MAP7: variants seen among roughly 807,000 people sequenced by gnomAD.
MAP7 encodes ensconsin.
In MAP7, 52 loss-of-function variants were observed where a neutral mutation model predicts 94.8. The observed-to-expected ratio is 0.55, with a 90% CI of 0.44 to 0.69. The LOEUF is 0.69. MAP7 is among the 30% of genes least tolerant of loss of function. The pLI is 0.00. For synonymous variants in MAP7, 350 were observed against 357.0 expected, an observed-to-expected ratio of 0.98 and a Z score of 0.22; for missense variants, 940 against 964.6, an observed-to-expected ratio of 0.97 and a Z score of 0.34.
At chr6:136,357,275 T>C (rs1487161411) in intron 15 of MAP7, among the ~76,000 whole-genome samples, 1 of 152,186 alleles carries the variant, frequency 6.6e-6, no homozygotes, top group Non-Finnish European at 1.5e-5. Flanking sequence ...ATTTCACGAA[T>C]GGAAAGCAGT....
intron 1 of MAP7, among the ~76,000 whole-genome samples, chr6:136,482,846 G>C (rs1046002257): frequency 6.6e-6 from 1 of 152,074 alleles, no homozygotes; most frequent in South Asian, 2.1e-4. Flanking sequence ...CCGCTAAACT[G>C]TGTTGAGTTT....
chr6:136,436,099 G>A (rs181051026), intron 1 of MAP7, among the ~76,000 whole-genome samples: 130 of 152,204 alleles, frequency 8.5e-4, no homozygotes, highest in Non-Finnish European at 1.5e-3. Context: ...TAAGAGTATG[G>A]CAAATAGGCA....
intron 1 of MAP7, among the ~76,000 whole-genome samples, chr6:136,457,719 C>T (rs920372652): frequency 6.6e-6 from 1 of 152,036 alleles, no homozygotes; most frequent in Non-Finnish European, 1.5e-5. Context: ...ACCATCTCAA[C>T]AGCTACAGAA....
At chr6:136,393,978 A>AATTTTTTTTTT (rs1554242697) in intron 3 of MAP7, among the ~76,000 whole-genome samples, 2 of 36,204 alleles carry the variant, frequency 5.5e-5, no homozygotes, top group South Asian at 1.3e-3. Flanking sequence ...CAGCAAAGGT[A>AATTTTTTTTTT]TTTTTTTTTT....
intron 1 of MAP7, among the ~76,000 whole-genome samples, chr6:136,514,273 C>T (rs564645473): frequency 6.6e-6 from 1 of 152,050 alleles, no homozygotes; most frequent in African/African-American, 2.4e-5. Flanking sequence ...GTTGTGATGG[C>T]AGGCATGAAA....
intron 7 of MAP7, among the ~76,000 whole-genome samples, chr6:136,376,260 G>A (rs150103513): frequency 5.3e-5 from 8 of 152,062 alleles, no homozygotes; most frequent in African/African-American, 1.4e-4. Context: ...CACCACGCCC[G>A]GCTAATTTTT....
chr6:136,519,538 C>T (rs773801096), intron 1 of MAP7, among the ~76,000 whole-genome samples: 3 of 152,188 alleles, frequency 2.0e-5, no homozygotes, highest in Non-Finnish European at 4.4e-5. Flanking sequence ...AAGGACATTA[C>T]AGTTGCTAGA....
chr6:136,501,052 T>C lies in MAP7; in HGVS notation c.67+49290A>G, dbSNP rs112296769. ...ATGTAAATTTTATGTTTTACAAACT[T>C]TCTAAACATAATCACATGCTCCTTT... On this transcript the variant is annotated intron_variant, in intron 1 of 17. Coordinates refer to ENST00000354570, the MANE Select transcript of MAP7 (RefSeq NM_003980.6). Among the ~76,000 whole-genome samples, 55 of 152,346 alleles carry C rather than the reference T, an allele frequency of 3.6e-4. 1 individual carries two copies. Among genetic ancestry groups the C allele is most frequent in the African/African-American group, 1.3e-3 (52 of 41,590 alleles).
intron 5 of MAP7, among the ~76,000 whole-genome samples, chr6:136,388,112 A>C (rs1779672101): frequency 6.6e-6 from 1 of 152,242 alleles, no homozygotes; most frequent in Admixed American, 6.5e-5. Context: ...GACTAAAATA[A>C]TGTAGTGTTG....
At chr6:136,360,889 G>T in intron 12 of MAP7, 91 bp from the exon 13 acceptor site, 8 of 1,555,598 alleles carry the variant, frequency 5.1e-6, no homozygotes, top group Non-Finnish European at 6.1e-6. Flanking sequence ...CGAGGTGGCG[G>T]ATGGAGAAGG....
chr6:136,473,416 C>T (rs1809710359), intron 1 of MAP7, among the ~76,000 whole-genome samples: 1 of 152,158 alleles, frequency 6.6e-6, no homozygotes. Context: ...TCAGACATAA[C>T]TGCTATAAAT....
intron 1 of MAP7, among the ~76,000 whole-genome samples, chr6:136,507,789 G>A (rs1295398601): frequency 6.6e-6 from 1 of 152,160 alleles, no homozygotes; most frequent in African/African-American, 2.4e-5. Flanking sequence ...TATGGATAAA[G>A]CAAGTGAGGC....
chr6:136,426,509 T>G (rs756324172), intron 1 of MAP7, among the ~76,000 whole-genome samples: 4 of 152,116 alleles, frequency 2.6e-5, no homozygotes, highest in Non-Finnish European at 5.9e-5. Flanking sequence ...AATAACCAAA[T>G]AAATGATATA....
intron 3 of MAP7, among the ~76,000 whole-genome samples, chr6:136,406,240 A>C (rs924183815): frequency 1.8e-4 from 27 of 152,224 alleles, no homozygotes; most frequent in African/African-American, 6.5e-4. Flanking sequence ...TCAATGCCAT[A>C]AAGTTTTCTC....
chr6:136,364,455 T>C (rs1290997454), intron 10 of MAP7: 3 of 284,562 alleles, frequency 1.1e-5, no homozygotes, highest in Non-Finnish European at 2.0e-5. Context: ...TTTGGTCTTT[T>C]TGACTAAACC....
intron 1 of MAP7, among the ~76,000 whole-genome samples, chr6:136,422,288 C>G (rs1411321677): frequency 6.6e-6 from 1 of 152,194 alleles, no homozygotes; most frequent in African/African-American, 2.4e-5. Context: ...TATGTAACAG[C>G]AGACCATGGA....
intron 1 of MAP7, among the ~76,000 whole-genome samples, chr6:136,484,080 C>T (rs1484048752): frequency 1.3e-5 from 2 of 152,148 alleles, no homozygotes; most frequent in Admixed American, 6.5e-5. Flanking sequence ...CTTGAGACCA[C>T]GCATCAGTTG....
intron 16 of MAP7, among the ~76,000 whole-genome samples, chr6:136,354,769 A>G (rs1284086321): frequency 9.2e-5 from 14 of 152,156 alleles, no homozygotes; most frequent in African/African-American, 3.4e-4. Context: ...TGTGTGGAAA[A>G]GGCTAAAATA....
At chr6:136,525,981 T>G in intron 1 of MAP7, 10 of 1,468,718 alleles carry the variant, frequency 6.8e-6, no homozygotes, top group South Asian at 5.3e-5. Flanking sequence ...GCTACTTGTT[T>G]TTTTTTTTTT....
Sources: allele counts gnomAD v4.1 joint callset (sites outside exome capture counted in the v4.1 genomes callset), GRCh38; gene constraint gnomAD v4.1.1; transcripts MANE v1.5; gene names NCBI Gene and HGNC (gene_info 2026-07-23, HGNC 2026-07-21).